The following CWF19L2 variants were observed in gnomAD, a reference collection of about 807,000 sequenced individuals.
CWF19L2 encodes CWF19-like protein 2.
A neutral mutation model predicts 111.7 loss-of-function variants in CWF19L2; 98 were observed. The ratio of observed to expected loss-of-function variants is 0.88; its 90% CI spans 0.75 to 1.04. CWF19L2 has a LOEUF of 1.04. Among genes scored for constraint, CWF19L2 ranks in the 50% least tolerant of loss-of-function variants. CWF19L2 has a pLI of 0.00. For missense variants in CWF19L2, 1,101 were observed against 1,051.4 expected (o/e 1.05, Z -0.65); for synonymous variants, 351 against 342.9 (o/e 1.02, Z -0.26).
intron 10 of CWF19L2, among the ~76,000 whole-genome samples, chr11:107,402,144 G>A (rs1427630337): frequency 6.6e-6 from 1 of 151,950 alleles, no homozygotes; most frequent in Non-Finnish European, 1.5e-5. Context: ...AGATAACACT[G>A]GAAAAACCCT....
intron 11 of CWF19L2, 88 bp from the exon 12 acceptor site, chr11:107,390,299 T>C: frequency 9.2e-7 from 1 of 1,085,150 alleles, no homozygotes; most frequent in Non-Finnish European, 1.3e-6. Context: ...TGATGTTAAA[T>C]GTAAAAATCC....
chr11:107,390,701 G>A (rs890290143), intron 11 of CWF19L2, among the ~76,000 whole-genome samples: 10 of 152,190 alleles, frequency 6.6e-5, no homozygotes, highest in South Asian at 2.1e-4. Context: ...AAGGTCTTTG[G>A]GAGGTAACTG....
intron 10 of CWF19L2, among the ~76,000 whole-genome samples, chr11:107,405,170 C>G (rs78043616): frequency 0.013 from 1,960 of 152,226 alleles, 35 homozygotes; most frequent in African/African-American, 0.044. Flanking sequence ...TTCTAATTTT[C>G]GTGACCATAA....
chr11:107,379,507 A>T (rs956570753), intron 12 of CWF19L2, among the ~76,000 whole-genome samples: 1 of 152,232 alleles, frequency 6.6e-6, no homozygotes, highest in Non-Finnish European at 1.5e-5. Flanking sequence ...GCACATGAAA[A>T]GTTCTTTTGT....
intron 3 of CWF19L2, among the ~76,000 whole-genome samples, chr11:107,452,606 G>GA (rs1299268326): frequency 1.3e-5 from 2 of 151,666 alleles, no homozygotes; most frequent in African/African-American, 2.4e-5. Context: ...ATCCACGTGG[G>GA]AAAAAAATAA....
At chr11:107,362,645 A>G (rs922748996) in intron 12 of CWF19L2, among the ~76,000 whole-genome samples, 26 of 151,532 alleles carry the variant, frequency 1.7e-4, no homozygotes, top group African/African-American at 6.4e-4. Context: ...ACAAACAGAA[A>G]GGACATCCAC....
intron 10 of CWF19L2, among the ~76,000 whole-genome samples, chr11:107,401,255 T>C (rs1860994979): frequency 6.6e-6 from 1 of 152,134 alleles, no homozygotes; most frequent in Admixed American, 6.5e-5. Flanking sequence ...GCATCCAAAT[T>C]GGTAAAGAGG....
At chr11:107,382,922 A>G (rs1305856769) in intron 12 of CWF19L2, among the ~76,000 whole-genome samples, 1 of 152,202 alleles carries the variant, frequency 6.6e-6, no homozygotes, top group African/African-American at 2.4e-5. Flanking sequence ...ACTGAAGTCA[A>G]AAAGCCTTCA....
chr11:107,353,365 C>T (rs1430881588), intron 13 of CWF19L2, among the ~76,000 whole-genome samples, 159 bp downstream of exon 13: 1 of 152,092 alleles, frequency 6.6e-6, no homozygotes, highest in African/African-American at 2.4e-5. Flanking sequence ...CAATGGAGAA[C>T]AAAAGTTATC....
chr11:107,439,285 G>T, intron 5 of CWF19L2, 102 bp from the exon 6 acceptor site: 1 of 673,280 alleles, frequency 1.5e-6, no homozygotes, highest in Non-Finnish European at 2.5e-6. Flanking sequence ...CATAACCCTG[G>T]ACAAATCATT....
chr11:107,441,284 T>G (rs1172631490), intron 5 of CWF19L2, among the ~76,000 whole-genome samples: 3 of 152,324 alleles, frequency 2.0e-5, no homozygotes, highest in Non-Finnish European at 1.5e-5. Flanking sequence ...CAACTTTATA[T>G]ATGCCCTAGA....
intron 10 of CWF19L2, chr11:107,403,875 C>A (rs1301303431): frequency 6.3e-6 from 5 of 794,982 alleles, no homozygotes; most frequent in Non-Finnish European, 1.1e-5. Flanking sequence ...CTCTTCTCCT[C>A]CTGTATTTGA....
intron 13 of CWF19L2, among the ~76,000 whole-genome samples, chr11:107,351,397 G>C (rs538419438): frequency 2.0e-5 from 3 of 152,214 alleles, no homozygotes; most frequent in East Asian, 1.9e-4. Flanking sequence ...GTTAGCTAAA[G>C]GTAAAGGTGG....
intron 14 of CWF19L2, among the ~76,000 whole-genome samples, chr11:107,339,647 TCATGATG>T (rs1859976184): frequency 6.6e-6 from 1 of 151,564 alleles, no homozygotes; most frequent in Admixed American, 6.6e-5. Flanking sequence ...GCAAAATGTT[TCATGATG>T]TTGTTTATCC....
At chr11:107,332,685 C>A (rs1229220187) in intron 16 of CWF19L2, among the ~76,000 whole-genome samples, 1 of 152,006 alleles carries the variant, frequency 6.6e-6, no homozygotes, top group African/African-American at 2.4e-5. Context: ...CAGTATTGTT[C>A]ATTTCATGTT....
chr11:107,428,916 C>G lies in CWF19L2; in HGVS notation c.1316G>C (p.Ser439Thr), dbSNP rs774887905. ...TGGAACATGTTGGTGTTCATCAGTACTGGTTTCCGATGGCTTTTGATTTGA... is the reference window on the plus strand; with the variant it reads ...TGGAACATGTTGGTGTTCATCAGTAGTGGTTTCCGATGGCTTTTGATTTGA... ...KHSNQKPSET[S>T]TDEHQHVPED... is the part of the protein sequence containing the mutation. Residue 439 changes from serine to threonine, a missense_variant, in exon 8 of 18, where the codon AGT (serine) becomes ACT (threonine). By Grantham distance (58) the Ser-to-Thr change is moderately conservative. Coordinates refer to ENST00000282251, the MANE Select transcript of CWF19L2 (RefSeq NM_152434.3). 6.2e-7 allele frequency: 1 copy of G among 1,613,620 alleles called. No individual in the cohort carries two copies. The highest frequency in any genetic ancestry group is 8.5e-7 in the Non-Finnish European group (1 of 1,179,716).
rs1396481011 is a variant in CWF19L2, at chr11:107,426,446, G to C, written c.1433+2353C>G. On this transcript the variant is annotated intron_variant, in intron 8 of 17. Transcript: ENST00000282251. ...GTAAAATGCATGTACTCTTTGACCTGACAGTTCCACTCCTTGGAATTTATT... is the reference window on the plus strand; with the variant it reads ...GTAAAATGCATGTACTCTTTGACCTCACAGTTCCACTCCTTGGAATTTATT... Among the ~76,000 whole-genome samples the C allele has an allele frequency of 8.6e-5, 13 of 151,836 alleles. No individual in the cohort carries two copies. The East Asian group carries it at 2.3e-3, about 27-fold the overall frequency.
chr11:107,435,034 A>G (rs1861520967), intron 6 of CWF19L2, among the ~76,000 whole-genome samples: 1 of 152,154 alleles, frequency 6.6e-6, no homozygotes, highest in Non-Finnish European at 1.5e-5. Context: ...AATATTTTTG[A>G]ATATTTTTAT....
chr11:107,455,838 A>G, intron 1 of CWF19L2, 62 bp from the exon 2 acceptor site: 2 of 969,920 alleles, frequency 2.1e-6, no homozygotes, highest in East Asian at 5.3e-5. Context: ...TCACAAAAAA[A>G]GGAAAACAAA....
Sources: allele counts gnomAD v4.1 joint callset (sites outside exome capture counted in the v4.1 genomes callset), GRCh38; gene constraint gnomAD v4.1.1; transcripts MANE v1.5; gene names NCBI Gene and HGNC (gene_info 2026-07-23, HGNC 2026-07-21).